ZFHX3: variants seen among roughly 807,000 people sequenced by gnomAD.
The protein encoded by ZFHX3 is zinc finger homeobox 3.
ZFHX3 carries 42 observed loss-of-function variants against 279.1 expected under a neutral mutation model. The ratio of observed to expected loss-of-function variants is 0.15; its 90% CI spans 0.12 to 0.19. ZFHX3 has a LOEUF of 0.19. Among genes scored for constraint, ZFHX3 ranks in the 10% least tolerant of loss-of-function variants. ZFHX3 has a pLI of 1.00. For synonymous variants in ZFHX3, 2,293 were observed against 1,957.8 expected, an observed-to-expected ratio of 1.17 and a Z score of -4.52; for missense variants, 4,981 against 4,754.0, an observed-to-expected ratio of 1.05 and a Z score of -1.40.
chr16:73,757,503 A>G (rs1348660638), intron 1 of ZFHX3, among the ~76,000 whole-genome samples: 1 of 152,136 alleles, frequency 6.6e-6, no homozygotes, highest in African/African-American at 2.4e-5. Flanking sequence ...CTCTCTCCCC[A>G]TGAGGACAGT....
At chr16:73,675,376 A>G (rs1240694568) in intron 2 of ZFHX3, among the ~76,000 whole-genome samples, 1 of 152,156 alleles carries the variant, frequency 6.6e-6, no homozygotes, top group Non-Finnish European at 1.5e-5. Context: ...AAAAATTATC[A>G]GTGAAGAAAG....
intron 3 of ZFHX3, among the ~76,000 whole-genome samples, chr16:73,359,646 C>T (rs2016403016): frequency 6.6e-6 from 1 of 152,158 alleles, no homozygotes; most frequent in Admixed American, 6.5e-5. Context: ...AGAGGCCAGC[C>T]CTGCCGGACC....
At chr16:73,629,189 GTAAA>G (rs1294365821) in intron 2 of ZFHX3, among the ~76,000 whole-genome samples, 12 of 152,142 alleles carry the variant, frequency 7.9e-5, no homozygotes, top group Non-Finnish European at 1.2e-4. Context: ...CCGCTGATAC[GTAAA>G]TACTCAGAGA....
intron 5 of ZFHX3, among the ~76,000 whole-genome samples, chr16:73,223,240 A>T (rs1597228377): frequency 6.6e-6 from 1 of 152,134 alleles, no homozygotes; most frequent in Non-Finnish European, 1.5e-5. Context: ...AAAAATTAAA[A>T]TTTTCTGCTG....
intron 1 of ZFHX3, among the ~76,000 whole-genome samples, chr16:73,823,976 C>T (rs746889153): frequency 6.6e-6 from 1 of 152,144 alleles, no homozygotes; most frequent in African/African-American, 2.4e-5. Context: ...TTTTGCTTCA[C>T]GGAATAACTA....
intron 2 of ZFHX3, among the ~76,000 whole-genome samples, chr16:73,588,547 G>T (rs1039439717): frequency 1.3e-5 from 2 of 151,718 alleles, no homozygotes; most frequent in Non-Finnish European, 2.9e-5. Flanking sequence ...AATATTAGCC[G>T]GGTGTGGTGG....
chr16:73,807,620 A>ATTTTT lies in ZFHX3; in HGVS notation c.-1608+84026_-1608+84030dup, dbSNP rs55806545. On this transcript the variant is annotated intron_variant, in intron 1 of 17. Transcript: ENST00000641206. ...TACAGGCACATTCCACCATGCCCCA[A>ATTTTT]TTTTTTTTTTTTTTTTTTTTTTTTT... Among the ~76,000 whole-genome samples, 436 of 70,554 alleles carry ATTTTT rather than the reference A, an allele frequency of 6.2e-3. 24 individuals are homozygous for ATTTTT. Among genetic ancestry groups the ATTTTT allele is most frequent in the African/African-American group, 0.017 (311 of 18,246 alleles). 46.3% of individuals were successfully genotyped at this position (70,554 alleles called of 152,430 possible).
At chr16:73,114,754 C>T (rs1160550748) in intron 7 of ZFHX3, among the ~76,000 whole-genome samples, 1 of 152,188 alleles carries the variant, frequency 6.6e-6, no homozygotes, top group Non-Finnish European at 1.5e-5. Flanking sequence ...GTTTTGCCAC[C>T]TTGTGAATGG....
At chr16:73,009,710 T>C (rs2144619252) in intron 1 of ZFHX3, among the ~76,000 whole-genome samples, 1 of 152,232 alleles carries the variant, frequency 6.6e-6, no homozygotes, top group East Asian at 1.9e-4. Context: ...TTTTGTACTT[T>C]ACTTGACCAT....
intron 3 of ZFHX3, among the ~76,000 whole-genome samples, chr16:73,344,215 C>T (rs1014332593): frequency 6.6e-6 from 1 of 152,186 alleles, no homozygotes; most frequent in African/African-American, 2.4e-5. Context: ...TATCCTCTGA[C>T]TTCCTCACTG....
chr16:72,951,760 A>G (rs1961011465), intron 2 of ZFHX3, among the ~76,000 whole-genome samples: 1 of 152,256 alleles, frequency 6.6e-6, no homozygotes, highest in Non-Finnish European at 1.5e-5. Flanking sequence ...GCAGTGACCA[A>G]CATGACTTTC....
intron 1 of ZFHX3, among the ~76,000 whole-genome samples, chr16:73,890,803 C>T (rs2030509640): frequency 6.6e-6 from 1 of 152,150 alleles, no homozygotes; most frequent in African/African-American, 2.4e-5. Flanking sequence ...GCTAGGGCTC[C>T]GGCACTGACC....
chr16:72,921,068 TC>T (rs1237379796), intron 3 of ZFHX3, among the ~76,000 whole-genome samples: 2 of 16,272 alleles, frequency 1.2e-4, no homozygotes, highest in African/African-American at 6.6e-4. Flanking sequence ...CCAGACCTTG[TC>T]AAAAAAAAAA....
intron 2 of ZFHX3, among the ~76,000 whole-genome samples, chr16:73,677,868 G>A (rs2052970441): frequency 6.6e-6 from 1 of 151,870 alleles, no homozygotes. Context: ...GACTTAGGGA[G>A]GTTTATTTCT....
intron 1 of ZFHX3, among the ~76,000 whole-genome samples, chr16:73,709,006 G>T (rs1821447762): frequency 6.6e-6 from 1 of 152,138 alleles, no homozygotes; most frequent in African/African-American, 2.4e-5. Context: ...TGGAGGATCT[G>T]TAAAGCGGCA....
At chr16:72,866,860 C>T (rs2038036023) in intron 4 of ZFHX3, among the ~76,000 whole-genome samples, 1 of 152,192 alleles carries the variant, frequency 6.6e-6, no homozygotes, top group Non-Finnish European at 1.5e-5. Flanking sequence ...CACAAACCCA[C>T]CGACCTGCAG....
chr16:73,304,293 T>C (rs893671523), intron 4 of ZFHX3, among the ~76,000 whole-genome samples: 1 of 152,124 alleles, frequency 6.6e-6, no homozygotes, highest in African/African-American at 2.4e-5. Flanking sequence ...ACAGGGGTCA[T>C]GGGAAAAGAG....
intron 3 of ZFHX3, among the ~76,000 whole-genome samples, chr16:73,362,221 A>G (rs1277064966): frequency 3.3e-5 from 5 of 152,150 alleles, no homozygotes; most frequent in African/African-American, 1.2e-4. Flanking sequence ...GAATTAGGAG[A>G]AACTCAGGTC....
rs1242558367 is a variant in ZFHX3, at chr16:73,814,568, CT to C, written c.-1608+77082del. Among the ~76,000 whole-genome samples the C allele has an allele frequency of 9.9e-3, 1,398 of 141,770 alleles. 9 individuals carry two copies. Among genetic ancestry groups the C allele is most frequent in the African/African-American group, 0.023 (891 of 38,772 alleles). The allele number at this position is 141,770 out of a possible 152,430, so 93.0% of individuals were successfully genotyped here. A position where few individuals can be genotyped will look rare whatever the true frequency, so the allele number is the denominator to read the frequency against. On this transcript the variant is annotated intron_variant, in intron 1 of 17. Coordinates refer to the ZFHX3 transcript ENST00000641206. Reference sequence around the variant, plus strand: ...ACAATCTTACTTACATAGTTCACAACTTTTTTTTTTTTTTTTGAGATGGAGT... The same window carrying C: ...ACAATCTTACTTACATAGTTCACAACTTTTTTTTTTTTTTTGAGATGGAGT...
Sources: gnomAD v4.1 joint callset for allele counts (sites outside exome capture counted in the v4.1 genomes callset) on GRCh38, gnomAD v4.1.1 for gene constraint, MANE v1.5 for transcripts, NCBI Gene and HGNC (gene_info 2026-07-23, HGNC 2026-07-21) for gene names.